The following SH3TC2 variants were observed in gnomAD, a reference collection of about 807,000 sequenced individuals.
SH3TC2 encodes the protein SH3 domain and tetratricopeptide repeats 2, also known as SH3 domain and tetratricopeptide repeat-containing protein 2.
In SH3TC2, 87 loss-of-function variants were observed where a neutral mutation model predicts 124.5. The ratio of observed to expected loss-of-function variants is 0.70; its 90% confidence interval spans 0.59 to 0.84. SH3TC2 has a LOEUF of 0.84. Ranked by LOEUF, SH3TC2 falls within the 40% of genes least tolerant of loss-of-function variation. The pLI is 0.00. For synonymous variants in SH3TC2, 634 were observed against 628.5 expected (o/e 1.01, Z -0.13); for missense variants, 1,536 against 1,566.4 (o/e 0.98, Z 0.33).
rs993285575 is a variant in SH3TC2, at chr5:149,004,214, G to A, written c.*497C>T. 1 of 184,754 alleles carries A rather than the reference G, an allele frequency of 5.4e-6. No individual in the cohort carries two copies. Among genetic ancestry groups the A allele is most frequent in the Non-Finnish European group, 1.1e-5 (1 of 87,038 alleles). The allele number at this position is 184,754 out of a possible 1,614,324, so 11.4% of individuals were successfully genotyped here. A position where few individuals can be genotyped will look rare whatever the true frequency, so the allele number is the denominator to read the frequency against. ...CTCTCCTGTCAATCCCTGTGAGCAT[G>A]AGGAGTGATACATACTTTGGTTCTG... On this transcript the variant is annotated 3_prime_UTR_variant, in exon 17 of 17. Transcript: ENST00000515425.
In SH3TC2 at chr5:148,991,644, G is replaced by C. The variant is rs1341976475; in HGVS notation, c.*13067C>G. Among the ~76,000 whole-genome samples the C allele has an allele frequency of 6.6e-6, 1 of 152,214 alleles. No individual in the cohort carries two copies. Among genetic ancestry groups the C allele is most frequent in the Non-Finnish European group, 1.5e-5 (1 of 68,034 alleles). On this transcript the variant is annotated 3_prime_UTR_variant, in exon 17 of 17. Coordinates refer to ENST00000515425, the MANE Select transcript of SH3TC2 (RefSeq NM_024577.4). ...GGTGGTTGAAATGCTTGCTCTGGGA[G>C]GGGTGGCCAGTCAGCTGGGGTCACA...
At chr5:149,062,780 C>T (rs1278421142) in intron 1 of SH3TC2, among the ~76,000 whole-genome samples, 191 bp downstream of exon 1, 3 of 152,212 alleles carry the variant, frequency 2.0e-5, no homozygotes, top group Non-Finnish European at 4.4e-5. Context: ...TAGATGCTTC[C>T]AGGCTTTGCT....
rs539955112 is a variant in SH3TC2, at chr5:149,013,326, C to T, written c.3054-592G>A. ...CTGATGGTTGTATCAAGGGTAGTTCCCCTGCCATTTAAGATGTGCCTTTGC... is the reference window on the plus strand; with the variant it reads ...CTGATGGTTGTATCAAGGGTAGTTCTCCTGCCATTTAAGATGTGCCTTTGC... On this transcript the variant is annotated intron_variant, in intron 12 of 16. Coordinates refer to ENST00000515425, the MANE Select transcript of SH3TC2 (RefSeq NM_024577.4). Among the ~76,000 whole-genome samples, 8 of 152,090 alleles carry T rather than the reference C, an allele frequency of 5.3e-5. No individual in the cohort carries two copies. The East Asian group carries it at 1.6e-3, about 30-fold the overall frequency.
chr5:149,036,024 A>C (rs1262803305), intron 8 of SH3TC2: 1 of 152,254 alleles, frequency 6.6e-6, no homozygotes, highest in East Asian at 1.9e-4. Flanking sequence ...ATACACACAC[A>C]CACACTGTGC....
At chr5:149,037,171 G>A (rs1176910689) in intron 8 of SH3TC2, among the ~76,000 whole-genome samples, 4 of 152,224 alleles carry the variant, frequency 2.6e-5, no homozygotes, top group South Asian at 2.1e-4. Flanking sequence ...TACATGAGTC[G>A]TTCTTCAAGC....
chr5:149,048,357 A>C (rs1057445391), intron 2 of SH3TC2, among the ~76,000 whole-genome samples: 1 of 152,170 alleles, frequency 6.6e-6, no homozygotes, highest in Non-Finnish European at 1.5e-5. Context: ...TAGAATCAAT[A>C]GGACTTTATC....
At chr5:149,058,801 G>A (rs543716825) in intron 1 of SH3TC2, among the ~76,000 whole-genome samples, 1 of 152,248 alleles carries the variant, frequency 6.6e-6, no homozygotes, top group African/African-American at 2.4e-5. Context: ...AGGCAGGCAG[G>A]GGTGTTTAGA....
chr5:149,046,880 A>G (rs1754472470), intron 3 of SH3TC2: 2 of 152,256 alleles, frequency 1.3e-5, no homozygotes, highest in Admixed American at 1.3e-4. Context: ...TGGAACACAT[A>G]TCACCAAACA....
chr5:149,042,616 T>C, intron 5 of SH3TC2, 78 bp downstream of exon 5: 7 of 1,578,184 alleles, frequency 4.4e-6, no homozygotes, highest in Non-Finnish European at 6.1e-6. Flanking sequence ...TTCCCTCCCT[T>C]TGCATCCTGC....
chr5:149,027,424 G>A lies in SH3TC2; in HGVS notation c.2308C>T (p.His770Tyr). 1 of 1,614,128 alleles carries A rather than the reference G, an allele frequency of 6.2e-7. No individual in the cohort carries two copies. The highest frequency in any genetic ancestry group is 1.6e-4 in the Middle Eastern group (1 of 6,062). ...CLILSKVYLE[H>Y]RSPDGAIHYL... is the part of the protein sequence containing the mutation. ...TGGATGGCACCGTCAGGAGACCTGT[G>A]CTCGAGGTACACTTTGGAAAGGATG... Residue 770 changes from histidine (H) to tyrosine (Y), a missense_variant, in exon 11 of 17, where the codon CAC (histidine) becomes TAC (tyrosine). Coordinates refer to ENST00000515425, the MANE Select transcript of SH3TC2 (RefSeq NM_024577.4).
intron 12 of SH3TC2, among the ~76,000 whole-genome samples, chr5:149,016,091 T>C (rs1222400970): frequency 6.6e-6 from 1 of 152,220 alleles, no homozygotes; most frequent in Non-Finnish European, 1.5e-5. Context: ...TTACCTGACA[T>C]CTATTGAGCA....
intron 8 of SH3TC2, among the ~76,000 whole-genome samples, chr5:149,032,142 A>G (rs533182600): frequency 4.3e-4 from 65 of 152,336 alleles, no homozygotes; most frequent in African/African-American, 1.5e-3. Context: ...AAGTGACACA[A>G]TCTAGAAGAA....
chr5:149,062,980 G>C lies in SH3TC2; in HGVS notation c.43C>G (p.Arg15Gly), dbSNP rs777499453. The C allele has an allele frequency of 6.3e-7, 1 of 1,596,004 alleles. No individual in the cohort carries two copies. Among genetic ancestry groups the C allele is most frequent in the Non-Finnish European group, 8.5e-7 (1 of 1,170,818 alleles). The change falls in exon 1 of 17, where the codon CGG becomes GGG. Residue 15 changes from arginine (R) to glycine (G), a missense_variant. Coordinates refer to ENST00000515425, the MANE Select transcript of SH3TC2 (RefSeq NM_024577.4). ...FCIPRERSLTRGPGKETPSKD... is the reference protein window; with the variant it reads ...FCIPRERSLTGGPGKETPSKD... ...CCCCTGGGAAACTCACCTGGGCCCCGGGTCAGACTCCGCTCCCTGGGGATG... is the reference window on the plus strand; with the variant it reads ...CCCCTGGGAAACTCACCTGGGCCCCCGGTCAGACTCCGCTCCCTGGGGATG...
In SH3TC2 at chr5:149,029,951, GC is replaced by G. The variant is rs1350940162; in HGVS notation, c.1136-1234del. Among the ~76,000 whole-genome samples, 12 of 152,260 alleles carry G rather than the reference GC, an allele frequency of 7.9e-5. No individual in the cohort carries two copies. The East Asian group carries it at 2.3e-3, about 29-fold the overall frequency. ...TCTAGTGAACTTTGAGGACCAGCAA[GC>G]CCCTCACCAAGTCAAACCTTTTCCT... On this transcript the variant is annotated intron_variant, in intron 9 of 16. Transcript: ENST00000515425.
intron 3 of SH3TC2, chr5:149,047,526 C>A: frequency 3.3e-6 from 1 of 305,194 alleles, no homozygotes; most frequent in Admixed American, 4.4e-5. Flanking sequence ...TTGAAATTAC[C>A]GCATTAGAAA....
In SH3TC2 at chr5:149,027,478, C is replaced by T. The variant is rs749008572; in HGVS notation, c.2254G>A (p.Asp752Asn). ...QALAACEELADRSTQRALCLI... is the reference protein window; with the variant it reads ...QALAACEELANRSTQRALCLI... ...CACAGGGCCCTCTGGGTGCTCCGGT[C>T]TGCTAGTTCCTCACAGGCAGCCAGG... The change falls in exon 11 of 17, where the codon GAC (aspartate) becomes AAC (asparagine). Residue 752 changes from aspartate to asparagine, a missense_variant. Coordinates refer to ENST00000515425, the MANE Select transcript of SH3TC2 (RefSeq NM_024577.4). The T allele has an allele frequency of 5.3e-5, 85 of 1,614,070 alleles. 1 individual carries two copies. The Admixed American group carries it at 1.4e-3, about 26-fold the overall frequency.
At position 149,028,206 on chromosome 5, in the gene SH3TC2, G is replaced by A; in HGVS notation, c.1526C>T (p.Ala509Val). Residue 509 changes from alanine (A) to valine (V), a missense_variant, in exon 11 of 17, where the codon GCC becomes GTC. This residue lies in a region of SH3TC2 where 1,102 missense variants were observed against 1,098.6 expected (regional missense o/e 1.00). Coordinates refer to ENST00000515425, the MANE Select transcript of SH3TC2 (RefSeq NM_024577.4). ...CCACTTTCTTGATGCCTCCAGGTAG[G>A]CCACAAACTCATCCTCCTCAGAGAA... ...YSFSEEDEFV[A>V]YLEASRKWAK... is the part of the protein sequence containing the mutation. 2 of 1,614,056 alleles carry A rather than the reference G, an allele frequency of 1.2e-6. No homozygotes were observed. The highest frequency in any genetic ancestry group is 1.7e-6 in the Non-Finnish European group (2 of 1,180,034).
Position 149,008,903 on chromosome 5 carries a change from A to G in SH3TC2, c.3426T>C (p.Tyr1142=), listed in dbSNP as rs772140981. The part of the protein sequence containing the change: ...LTELQISLEG[Y]EKALEFATLA... Reference sequence around the variant, plus strand: ...GGGTGGCAAATTCCAAAGCCTTCTCATAGCCTTCGAGGCTAATCTGCAGCT... The same window carrying G: ...GGGTGGCAAATTCCAAAGCCTTCTCGTAGCCTTCGAGGCTAATCTGCAGCT... Residue 1142 remains tyrosine, a synonymous_variant, in exon 15 of 17, where the codon TAT becomes TAC. Coordinates refer to ENST00000515425, the MANE Select transcript of SH3TC2 (RefSeq NM_024577.4). 2 of 1,614,188 alleles carry G rather than the reference A, an allele frequency of 1.2e-6. No individual in the cohort carries two copies. Among genetic ancestry groups the G allele is most frequent in the South Asian group, 1.1e-5 (1 of 91,084 alleles).
intron 6 of SH3TC2, 69 bp downstream of exon 6, chr5:149,041,347 G>A: frequency 1.3e-6 from 2 of 1,524,352 alleles, no homozygotes; most frequent in Non-Finnish European, 1.8e-6. Flanking sequence ...CTGAAAGCAT[G>A]CCTACTCTGT....
Sources: gnomAD v4.1 joint callset for allele counts (sites outside exome capture counted in the v4.1 genomes callset) on GRCh38, gnomAD v4.1.1 for gene constraint, gnomAD v4.1.1 regional missense constraint, MANE v1.5 for transcripts, NCBI Gene and HGNC (gene_info 2026-07-23, HGNC 2026-07-21) for gene names.